Variants in LHX6 observed in about 807,000 individuals in gnomAD.
The protein encoded by LHX6 is LIM/homeobox protein Lhx6.
LHX6 carries 15 observed loss-of-function variants against 47.1 expected under a neutral mutation model. That is an observed-to-expected ratio of 0.32 (90% CI 0.21 to 0.49). The LOEUF is 0.49. Among genes scored for constraint, LHX6 ranks in the 20% least tolerant of loss-of-function variants. LHX6 has a pLI of 0.99. For missense variants in LHX6, 404 were observed against 539.6 expected (o/e 0.75, Z 2.49); for synonymous variants, 242 against 233.5 (o/e 1.04, Z -0.33).
chr9:122,205,777 A>T (rs1378201576), intron 9 of LHX6, among the ~76,000 whole-genome samples: 3 of 152,130 alleles, frequency 2.0e-5, no homozygotes, highest in Non-Finnish European at 4.4e-5. Context: ...TTATGCATTT[A>T]TTCTCTGCAG....
At chr9:122,221,841 T>A in intron 4 of LHX6, 1 of 391,240 alleles carries the variant, frequency 2.6e-6, no homozygotes, top group Non-Finnish European at 3.5e-6. Flanking sequence ...ATATCTCACC[T>A]ATAGAAGAGT....
chr9:122,209,520 A>T, intron 9 of LHX6, 94 bp downstream of exon 9: 2 of 1,571,890 alleles, frequency 1.3e-6, no homozygotes, highest in Non-Finnish European at 8.6e-7. Flanking sequence ...GCCACAGCGC[A>T]GCATGGTACC....
At chr9:122,211,467 CA>C (rs1329574564) in intron 8 of LHX6, among the ~76,000 whole-genome samples, 2 of 152,142 alleles carry the variant, frequency 1.3e-5, no homozygotes, top group Admixed American at 6.5e-5. Flanking sequence ...TAGTTAACCG[CA>C]GAGCAAACTC....
At chr9:122,223,748 T>C (rs997551505) in intron 4 of LHX6, among the ~76,000 whole-genome samples, 1 of 152,162 alleles carries the variant, frequency 6.6e-6, no homozygotes, top group Admixed American at 6.5e-5. Context: ...GATCCGTGTT[T>C]TGACTAGTTT....
chr9:122,220,849 G>A (rs372180671), intron 4 of LHX6, among the ~76,000 whole-genome samples: 246 of 152,336 alleles, frequency 1.6e-3, no homozygotes, highest in African/African-American at 5.7e-3. Context: ...GGAGCCCTGC[G>A]CCCTTGACCA....
chr9:122,220,020 C>T (rs1025037014), intron 4 of LHX6, among the ~76,000 whole-genome samples: 9 of 152,208 alleles, frequency 5.9e-5, no homozygotes, highest in African/African-American at 2.2e-4. Flanking sequence ...CATCAGAAGC[C>T]GGGCAAGAGC....
rs1364794003 is a variant in LHX6, at chr9:122,220,493, A to G, written c.462-3205T>C. Among the ~76,000 whole-genome samples the G allele has an allele frequency of 4.6e-5, 7 of 152,338 alleles. No individual in the cohort carries two copies. In the East Asian group the frequency reaches 1.4e-3, roughly 29 times the overall value. ...CCGACAGAACGACAGACTCCTTCCC[A>G]GGCGGGCTGCGAGGCCGGAGCCACT... is the stretch of plus-strand genomic sequence containing the variant. On this transcript the variant is annotated intron_variant, in intron 4 of 9. Transcript: ENST00000394319.
chr9:122,224,295 G>A lies in LHX6; in HGVS notation c.461+2081C>T, dbSNP rs146460246. On this transcript the variant is annotated intron_variant, in intron 4 of 9. Transcript: ENST00000394319. The stretch of plus-strand genomic sequence containing the variant: ...CAGCCTTGGCCTCCCAAAGTGCTGC[G>A]ATTATAGGTGTGAGCCACCACACCC... Among the ~76,000 whole-genome samples, 1,086 of 152,202 alleles carry A rather than the reference G, an allele frequency of 7.1e-3. 16 individuals are homozygous for A. Among genetic ancestry groups the A allele is most frequent in the African/African-American group, 0.026 (1,060 of 41,510 alleles).
At chr9:122,227,066 C>A in intron 2 of LHX6, 36 bp from the exon 3 acceptor site, 1 of 1,445,776 alleles carries the variant, frequency 6.9e-7, no homozygotes. Context: ...AGCGCTGATC[C>A]GGGCACCCAG....
At chr9:122,218,057 C>T (rs78353107) in intron 4 of LHX6, among the ~76,000 whole-genome samples, 3,137 of 152,264 alleles carry the variant, frequency 0.021, 101 homozygotes, top group African/African-American at 0.068. Flanking sequence ...AAGCCCAGAT[C>T]GAATGTCTTC....
At chr9:122,228,061 G>T in intron 1 of LHX6, 1 of 569,234 alleles carries the variant, frequency 1.8e-6, no homozygotes, top group South Asian at 2.1e-5. Context: ...TGGGTGAGGG[G>T]CGGAGGGTGG....
In LHX6 at chr9:122,226,948, G is replaced by A. The variant is rs1188591238; in HGVS notation, c.239C>T (p.Ser80Phe). ...QASPCTPSTPSVCSPPSAASS... is the reference protein window; with the variant it reads ...QASPCTPSTPFVCSPPSAASS... ...GGCGGCAGAGGGCGGTGAGCAGACA[G>A]ATGGCGTGCTGGGCGTACATGGGGA... is the stretch of plus-strand genomic sequence containing the variant. The change falls in exon 3 of 10, where the codon TCT becomes TTT. Residue 80 changes from serine (S) to phenylalanine (F), a missense_variant. Ser to Phe is a radical substitution (Grantham distance 155). Coordinates refer to ENST00000394319, the MANE Select transcript of LHX6 (RefSeq NM_014368.5). The surrounding 1 kb of genome is among the most constrained non-coding windows in gnomAD (Gnocchi z 6.5). 1.9e-6 allele frequency: 3 copies of A among 1,556,698 alleles called. No individual in the cohort carries two copies. The highest frequency in any genetic ancestry group is 2.7e-5 in the African/African-American group (2 of 73,764).
chr9:122,222,815 A>G (rs1347640841), intron 4 of LHX6, among the ~76,000 whole-genome samples: 3 of 152,210 alleles, frequency 2.0e-5, no homozygotes, highest in African/African-American at 7.2e-5. Flanking sequence ...TTAGAGGACC[A>G]TGGGATCTCC....
At chr9:122,211,183 T>C (rs1343086075) in intron 8 of LHX6, among the ~76,000 whole-genome samples, 1 of 152,222 alleles carries the variant, frequency 6.6e-6, no homozygotes, top group East Asian at 1.9e-4. Context: ...TCATTCTCTT[T>C]GGTCACAGGG....
intron 8 of LHX6, among the ~76,000 whole-genome samples, chr9:122,212,064 A>G (rs1309274571): frequency 6.6e-6 from 1 of 152,142 alleles, no homozygotes; most frequent in African/African-American, 2.4e-5. Context: ...CTGCCAACCA[A>G]AACCACTCCC....
intron 2 of LHX6, 67 bp downstream of exon 2, chr9:122,227,342 C>T: frequency 2.2e-6 from 3 of 1,393,400 alleles, no homozygotes; most frequent in Non-Finnish European, 1.9e-6. Flanking sequence ...GCCGGAAAAC[C>T]TGGCCAGGTC....
rs756648922 is a variant in LHX6, at chr9:122,214,107, G to T, written c.784-38C>A. On this transcript the variant is annotated intron_variant, in intron 6 of 9. Coordinates refer to ENST00000394319, the MANE Select transcript of LHX6 (RefSeq NM_014368.5). The surrounding 1 kb of genome is among the most constrained non-coding windows in gnomAD (Gnocchi z 4.6). ...GAGGGCGGTGAGGCGCTCGCACGCA[G>T]AGACTCCGAGACCCCGGCCCAATCA... 3.9e-6 allele frequency: 6 copies of T among 1,552,330 alleles called. No individual in the cohort carries two copies. The Admixed American group carries it at 1.0e-4, about 27-fold the overall frequency.
Position 122,225,171 on chromosome 9 carries a change from G to GCA in LHX6, c.461+1204_461+1205insTG, listed in dbSNP as rs149263814. On this transcript the variant is annotated intron_variant, in intron 4 of 9. Transcript: ENST00000394319. ...TCCCAGAGGCTCTTTCTAGGGCAGG[G>GCA]GTCTGGCCAGGAAGACTGAAGCCAT... Among the ~76,000 whole-genome samples the GCA allele has an allele frequency of 2.9e-3, 441 of 152,276 alleles. 5 individuals carry two copies. Among genetic ancestry groups the GCA allele is most frequent in the African/African-American group, 0.01 (423 of 41,548 alleles).
intron 9 of LHX6, among the ~76,000 whole-genome samples, chr9:122,207,913 A>C (rs1830246580): frequency 1.3e-5 from 2 of 152,164 alleles, no homozygotes; most frequent in South Asian, 4.1e-4. Context: ...CAAGCTGCCC[A>C]GGTGATTCCG....
Sources: allele counts gnomAD v4.1 joint callset (sites outside exome capture counted in the v4.1 genomes callset), GRCh38; gene constraint gnomAD v4.1.1; non-coding constraint Gnocchi (gnomAD v3.1); transcripts MANE v1.5; gene names NCBI Gene and HGNC (gene_info 2026-07-23, HGNC 2026-07-21).